WDR70: variants seen among roughly 807,000 people sequenced by gnomAD.
The protein encoded by WDR70 is WD repeat-containing protein 70.
WDR70 carries 53 observed loss-of-function variants against 88.6 expected under a neutral mutation model. That is an observed-to-expected ratio of 0.60 (90% CI 0.48 to 0.75). The LOEUF (loss-of-function observed/expected upper bound fraction) is 0.75, where lower values mean the gene tolerates loss of function less well. WDR70 is among the 30% of genes least tolerant of loss of function. The probability of loss-of-function intolerance (pLI) is 0.00; values close to 1 mark genes in which losing one functional copy is unlikely to be tolerated. For missense variants in WDR70, 610 were observed against 823.2 expected (o/e 0.74, Z 3.17); for synonymous variants, 280 against 270.0 (o/e 1.04, Z -0.36).
intron 9 of WDR70, among the ~76,000 whole-genome samples, chr5:37,546,624 A>G (rs1250876178): frequency 2.0e-5 from 3 of 152,214 alleles, no homozygotes. Flanking sequence ...TAAAATATTT[A>G]TTTATGAATT....
chr5:37,645,308 CTTG>C (rs750712067), intron 10 of WDR70, among the ~76,000 whole-genome samples: 4 of 151,624 alleles, frequency 2.6e-5, no homozygotes, highest in Non-Finnish European at 5.9e-5. Flanking sequence ...CCAAATTCCC[CTTG>C]TTGTTGATTT....
intron 10 of WDR70, among the ~76,000 whole-genome samples, chr5:37,631,053 C>T (rs540866131): frequency 3.3e-5 from 5 of 152,274 alleles, no homozygotes; most frequent in East Asian, 1.9e-4. Flanking sequence ...TTCCCTCCGA[C>T]GCCAGGCAGA....
chr5:37,421,228 T>C (rs1581265497), intron 5 of WDR70, among the ~76,000 whole-genome samples: 1 of 152,232 alleles, frequency 6.6e-6, no homozygotes, highest in East Asian at 1.9e-4. Context: ...ACTACACTAC[T>C]GGTTGTGACC....
intron 5 of WDR70, among the ~76,000 whole-genome samples, chr5:37,437,062 A>G (rs1218267742): frequency 1.3e-5 from 2 of 152,120 alleles, no homozygotes; most frequent in African/African-American, 4.8e-5. Context: ...TGTTCTGCCC[A>G]TACTCCTGTC....
At chr5:37,743,542 G>A (rs1407631147) in intron 17 of WDR70, among the ~76,000 whole-genome samples, 1 of 152,222 alleles carries the variant, frequency 6.6e-6, no homozygotes, top group East Asian at 1.9e-4. Context: ...GGGAAGGGCA[G>A]CACCCATTTC....
intron 7 of WDR70, among the ~76,000 whole-genome samples, chr5:37,472,708 A>G (rs780706380): frequency 2.7e-4 from 41 of 151,956 alleles, no homozygotes; most frequent in Admixed American, 1.6e-3. Context: ...CATTTTGGCC[A>G]GGTTGATCTC....
intron 13 of WDR70, among the ~76,000 whole-genome samples, chr5:37,715,317 A>C (rs1747622960): frequency 7.0e-6 from 1 of 142,256 alleles, no homozygotes; most frequent in Admixed American, 7.7e-5. Flanking sequence ...GGGAAGGGAG[A>C]AGATTGAGAA....
intron 10 of WDR70, among the ~76,000 whole-genome samples, chr5:37,649,051 C>T (rs1301495647): frequency 6.6e-6 from 1 of 152,120 alleles, no homozygotes; most frequent in Non-Finnish European, 1.5e-5. Context: ...CTGTGCCCAA[C>T]TTTGTAAAAT....
intron 10 of WDR70, among the ~76,000 whole-genome samples, chr5:37,680,748 A>G (rs1746403959): frequency 6.6e-6 from 1 of 152,030 alleles, no homozygotes; most frequent in African/African-American, 2.4e-5. Flanking sequence ...ATTCTGTTCC[A>G]TTGGTCTACG....
At chr5:37,418,534 A>T (rs1484744444) in intron 5 of WDR70, among the ~76,000 whole-genome samples, 1 of 151,966 alleles carries the variant, frequency 6.6e-6, no homozygotes, top group African/African-American at 2.4e-5. Context: ...GTTAGCCAGG[A>T]TGGTAATCTC....
At chr5:37,518,473 G>A (rs1424100994) in intron 9 of WDR70, among the ~76,000 whole-genome samples, 1 of 151,814 alleles carries the variant, frequency 6.6e-6, no homozygotes, top group Non-Finnish European at 1.5e-5. Context: ...TGCGTGTCTG[G>A]CTTATTTCAT....
chr5:37,609,950 ATTACT>A (rs781689452), intron 10 of WDR70, among the ~76,000 whole-genome samples: 1 of 152,196 alleles, frequency 6.6e-6, no homozygotes, highest in Non-Finnish European at 1.5e-5. Flanking sequence ...ATGTTAAAAG[ATTACT>A]TTATGTCTTT....
At chr5:37,494,470 G>A (rs1740159274) in intron 8 of WDR70, among the ~76,000 whole-genome samples, 1 of 152,156 alleles carries the variant, frequency 6.6e-6, no homozygotes, top group African/African-American at 2.4e-5. Context: ...GGAGAACGGG[G>A]GAGGTTATTT....
chr5:37,521,970 A>C (rs1228331260), intron 9 of WDR70, among the ~76,000 whole-genome samples: 1 of 152,162 alleles, frequency 6.6e-6, no homozygotes, highest in African/African-American at 2.4e-5. Flanking sequence ...GGTAGTTTAC[A>C]TTCCCGCAAA....
intron 8 of WDR70, among the ~76,000 whole-genome samples, chr5:37,498,844 G>A (rs985563771): frequency 5.3e-5 from 8 of 151,972 alleles, no homozygotes; most frequent in Admixed American, 2.0e-4. Context: ...TTTCAAATCA[G>A]TAATACCTAG....
At chr5:37,545,753 A>T (rs1234465612) in intron 9 of WDR70, among the ~76,000 whole-genome samples, 1 of 152,102 alleles carries the variant, frequency 6.6e-6, no homozygotes, top group Non-Finnish European at 1.5e-5. Context: ...AGAACTCCTG[A>T]CCTCAGGTGA....
Position 37,521,297 on chromosome 5 carries a change from A to G in WDR70, c.917+4707A>G, listed in dbSNP as rs1240822337. ...GCTTTGAATGTTATATTCCAAGACC[A>G]GTGATACACAAACATTTAAAAGTTT... On this transcript the variant is annotated intron_variant, in intron 9 of 17. Coordinates refer to ENST00000265107, the MANE Select transcript of WDR70 (RefSeq NM_018034.4). 2.0e-4 allele frequency among the ~76,000 whole-genome samples: 5 copies of G among 24,794 alleles called. No individual in the cohort carries two copies. The East Asian group carries it at 0.5, about 2,479-fold the overall frequency. The allele number at this position is 24,794 out of a possible 152,430, so 16.3% of individuals were successfully genotyped here.
intron 10 of WDR70, among the ~76,000 whole-genome samples, chr5:37,677,614 T>G (rs1746274418): frequency 6.6e-6 from 1 of 152,230 alleles, no homozygotes; most frequent in Non-Finnish European, 1.5e-5. Flanking sequence ...TTGTTATAAT[T>G]TCTATTCTTT....
chr5:37,671,365 A>G (rs1406345826), intron 10 of WDR70, among the ~76,000 whole-genome samples: 2 of 152,218 alleles, frequency 1.3e-5, no homozygotes, highest in African/African-American at 4.8e-5. Flanking sequence ...GACATAAGAC[A>G]GGGAAATAGC....
Sources: allele counts gnomAD v4.1 joint callset (sites outside exome capture counted in the v4.1 genomes callset), GRCh38; gene constraint gnomAD v4.1.1; transcripts MANE v1.5; gene names NCBI Gene and HGNC (gene_info 2026-07-23, HGNC 2026-07-21).